The following KIAA0586 variants were observed in gnomAD, a reference collection of about 807,000 sequenced individuals.
The protein encoded by KIAA0586 is KIAA0586.
In KIAA0586, 144 loss-of-function variants were observed where a neutral mutation model predicts 169.8. That is an observed-to-expected ratio of 0.85 (90% CI 0.74 to 0.97). KIAA0586 has a LOEUF of 0.97. KIAA0586 is among the 50% of genes least tolerant of loss of function. The probability of loss-of-function intolerance (pLI) is 0.00; values close to 1 mark genes in which losing one functional copy is unlikely to be tolerated. For missense variants in KIAA0586, 1,854 were observed against 1,823.0 expected, an observed-to-expected ratio of 1.02 and a Z score of -0.31; for synonymous variants, 625 against 612.4, an observed-to-expected ratio of 1.02 and a Z score of -0.30.
chr14:58,536,304 G>A (rs1423783267), intron 29 of KIAA0586, among the ~76,000 whole-genome samples: 2 of 151,772 alleles, frequency 1.3e-5, no homozygotes, highest in African/African-American at 4.8e-5. Context: ...CCCCCCCTTC[G>A]CTGGCTTTTG....
At chr14:58,551,678 A>T (rs35332690), downstream of KIAA0586, among the ~76,000 whole-genome samples, 1 of 152,122 alleles carries the variant, frequency 6.6e-6, no homozygotes, top group South Asian at 2.1e-4. Context: ...AGACAGGAGA[A>T]TTGCTTGAAC....
At chr14:58,500,550 CA>C (rs112824279) in intron 27 of KIAA0586, among the ~76,000 whole-genome samples, 256 of 151,944 alleles carry the variant, frequency 1.7e-3, no homozygotes, top group African/African-American at 6.1e-3. Context: ...ACTAAAAATG[CA>C]AAAATTAGCC....
chr14:58,427,929 C>A lies in KIAA0586; in HGVS notation c.-336C>A. ...TGCCTCTTCTCAACAAATTTTAAGC[C>A]CGCCACTACATGTGTTTGGTTTTGC... On this transcript the variant is annotated 5_prime_UTR_variant, in exon 1 of 31. Transcript: ENST00000652326. 1 of 1,372,312 alleles carries A rather than the reference C, an allele frequency of 7.3e-7. No homozygotes were observed. Among genetic ancestry groups the A allele is most frequent in the Non-Finnish European group, 9.5e-7 (1 of 1,049,576 alleles). The allele number at this position is 1,372,312 out of a possible 1,614,324, so 85.0% of individuals were successfully genotyped here. A position where few individuals can be genotyped will look rare whatever the true frequency, so the allele number is the denominator to read the frequency against.
intron 15 of KIAA0586, among the ~76,000 whole-genome samples, chr14:58,466,263 A>G (rs1245302756): frequency 6.6e-6 from 1 of 152,124 alleles, no homozygotes; most frequent in Non-Finnish European, 1.5e-5. Flanking sequence ...ACAAAATGGT[A>G]CTAACATGAT....
intron 2 of KIAA0586, among the ~76,000 whole-genome samples, chr14:58,430,117 C>T (rs1334697972): frequency 6.6e-6 from 1 of 151,244 alleles, no homozygotes; most frequent in Non-Finnish European, 1.5e-5. Context: ...ATTTGCTGTA[C>T]TTGATCCCTA....
chr14:58,455,960 T>C (rs1399290207), intron 9 of KIAA0586, among the ~76,000 whole-genome samples: 2 of 152,200 alleles, frequency 1.3e-5, no homozygotes, highest in Non-Finnish European at 1.5e-5. Context: ...TTTTTAACAT[T>C]TGTTGACCAC....
In KIAA0586 at chr14:58,487,922, C is replaced by T. The variant is rs1322240098; in HGVS notation, c.3340C>T (p.Pro1114Ser). ...DMPAIMLVNT[P>S]TVTPTTTPPP... ...GCCTGCCATCATGCTTGTTAATACT[C>T]CAACAGTTACCCCTACTACTACACC... Residue 1114 changes from proline to serine, a missense_variant, in exon 23 of 31, where the codon CCA becomes TCA. Pro to Ser is a moderately conservative substitution (Grantham distance 74). Transcript: ENST00000652326. The T allele has an allele frequency of 6.2e-7, 1 of 1,613,334 alleles. No homozygotes were observed. Among genetic ancestry groups the T allele is most frequent in the Non-Finnish European group, 8.5e-7 (1 of 1,179,730 alleles).
intron 26 of KIAA0586, among the ~76,000 whole-genome samples, chr14:58,496,728 C>A (rs2043180895): frequency 6.6e-6 from 1 of 151,994 alleles, no homozygotes; most frequent in Admixed American, 6.5e-5. Flanking sequence ...GCAGTGATTT[C>A]TTCATATAGT....
In KIAA0586 at chr14:58,487,941, C is replaced by T; in HGVS notation, c.3359C>T (p.Thr1120Ile). The change falls in exon 23 of 31, where the codon ACT becomes ATT. Residue 1120 changes from threonine (T) to isoleucine (I), a missense_variant. Coordinates refer to ENST00000652326, the MANE Select transcript of KIAA0586 (RefSeq NM_001329943.3). ...LVNTPTVTPT[T>I]TPPPAAAVFT... ...AATACTCCAACAGTTACCCCTACTA[C>T]TACACCTCCTCCAGCGGCGGCAGTT... 6.2e-7 allele frequency: 1 copy of T among 1,613,750 alleles called. No individual in the cohort carries two copies. The highest frequency in any genetic ancestry group is 8.5e-7 in the Non-Finnish European group (1 of 1,179,800).
chr14:58,519,161 G>C (rs917500039), intron 29 of KIAA0586, among the ~76,000 whole-genome samples: 1 of 152,012 alleles, frequency 6.6e-6, no homozygotes, highest in Non-Finnish European at 1.5e-5. Context: ...AACAAAACAG[G>C]GGAATACATT....
At position 58,507,490 on chromosome 14, in the gene KIAA0586, CTG is replaced by C. The variant is rs969668776; in HGVS notation, c.4169-1062_4169-1061del. Among the ~76,000 whole-genome samples, 10 of 151,400 alleles carry C rather than the reference CTG, an allele frequency of 6.6e-5. No individual in the cohort carries two copies. The East Asian group carries it at 1.2e-3, about 18-fold the overall frequency. On this transcript the variant is annotated intron_variant, in intron 27 of 30. Transcript: ENST00000652326. ...TATTTTAAAAGGTTGTCTAGCAAGA[CTG>C]TGAAACAGAGAGCAGTGACTTAATT...
intron 29 of KIAA0586, among the ~76,000 whole-genome samples, chr14:58,525,806 C>T (rs1311395028): frequency 2.0e-5 from 3 of 152,186 alleles, no homozygotes; most frequent in Admixed American, 6.5e-5. Flanking sequence ...GGTAAAGATC[C>T]ACTGGCTTCA....
intron 29 of KIAA0586, among the ~76,000 whole-genome samples, chr14:58,525,314 A>T (rs976839963): frequency 6.6e-6 from 1 of 152,000 alleles, no homozygotes; most frequent in African/African-American, 2.4e-5. Flanking sequence ...TCCCAGCGAG[A>T]TCAATGCAGA....
intron 5 of KIAA0586, among the ~76,000 whole-genome samples, chr14:58,443,462 G>A (rs912722265): frequency 2.6e-5 from 4 of 152,208 alleles, no homozygotes; most frequent in African/African-American, 9.7e-5. Flanking sequence ...TCACTCTGTT[G>A]CCCAGGCTGA....
intron 20 of KIAA0586, among the ~76,000 whole-genome samples, chr14:58,479,138 C>A (rs188293753): frequency 2.8e-4 from 43 of 152,210 alleles, no homozygotes; most frequent in African/African-American, 1.0e-3. Flanking sequence ...TGCATTCCAC[C>A]CAGCAGTGTA....
chr14:58,442,827 A>G lies in KIAA0586; in HGVS notation c.532A>G (p.Thr178Ala), dbSNP rs374972438. Residue 178 changes from threonine to alanine, a missense_variant, in exon 5 of 31, where the codon ACC (threonine) becomes GCC (alanine). Coordinates refer to ENST00000652326, the MANE Select transcript of KIAA0586 (RefSeq NM_001329943.3). ...ISPSGIDSATTVAAATAAAIA... is the reference protein window; with the variant it reads ...ISPSGIDSATAVAAATAAAIA... The stretch of plus-strand genomic sequence containing the variant: ...ACCCAGTGGAATTGATTCAGCTACA[A>G]CCGTGGCTGCAGCAACTGCTGCTGC... 24 of 1,610,494 alleles carry G rather than the reference A, an allele frequency of 1.5e-5. No homozygotes were observed. The highest frequency in any genetic ancestry group is 3.4e-5 in the Admixed American group (2 of 59,594).
chr14:58,560,024 G>C, the KIAA0586 span, among the ~76,000 whole-genome samples: 108 of 152,034 alleles, frequency 7.1e-4, no homozygotes, highest in East Asian at 2.7e-3. Context: ...GATGGCACGC[G>C]CCTGTAATAC....
intron 29 of KIAA0586, among the ~76,000 whole-genome samples, chr14:58,537,943 G>A (rs1417556351): frequency 2.6e-5 from 4 of 152,184 alleles, no homozygotes; most frequent in South Asian, 2.1e-4. Flanking sequence ...CACCGCGCCT[G>A]GCCCATAGTA....
Position 58,490,168 on chromosome 14 carries a change from A to G in KIAA0586, c.3786A>G (p.Leu1262=), listed in dbSNP as rs374590484. 2.4e-5 allele frequency: 33 copies of G among 1,374,992 alleles called. No homozygotes were observed. Among genetic ancestry groups the G allele is most frequent in the Non-Finnish European group, 3.9e-6 (4 of 1,015,806 alleles). The allele number at this position is 1,374,992 out of a possible 1,614,324, so 85.2% of individuals were successfully genotyped here. Residue 1262 remains leucine, a synonymous_variant, in exon 25 of 31, where the codon TTA becomes TTG. Coordinates refer to ENST00000652326, the MANE Select transcript of KIAA0586 (RefSeq NM_001329943.3). The part of the protein sequence containing the change: ...SCGQKLAPKI[L]EDIGLYLTNL... ...CTTTTATATTTTAATTTCTAGTTTT[A>G]GAAGATATAGGACTGTACCTGACAA...
Sources: gnomAD v4.1 joint callset for allele counts (sites outside exome capture counted in the v4.1 genomes callset) on GRCh38, gnomAD v4.1.1 for gene constraint, MANE v1.5 for transcripts, NCBI Gene and HGNC (gene_info 2026-07-23, HGNC 2026-07-21) for gene names.